Variants in MS4A6A observed in about 807,000 individuals in gnomAD.
MS4A6A encodes membrane-spanning 4-domains subfamily A member 6A.
A neutral mutation model predicts 20.6 loss-of-function variants in MS4A6A; 19 were observed. That is an observed-to-expected ratio of 0.92 (90% CI 0.64 to 1.36). The LOEUF is 1.36. Ranked by LOEUF, MS4A6A falls within the 40% of genes most tolerant of loss-of-function variation. The pLI, the probability that MS4A6A is intolerant of heterozygous loss-of-function variation, is 0.00. For missense variants in MS4A6A, 272 were observed against 261.1 expected, an observed-to-expected ratio of 1.04 and a Z score of -0.29; for synonymous variants, 108 against 105.0, an observed-to-expected ratio of 1.03 and a Z score of -0.17.
At chr11:60,172,225 ATGTAAC>A, downstream of MS4A6A, 2 of 1,613,512 alleles carry the variant, frequency 1.2e-6, no homozygotes, top group Non-Finnish European at 1.7e-6. Flanking sequence ...AGAATTACCA[ATGTAAC>A]TGTGAGGCAG....
In MS4A6A at chr11:60,179,206, G is replaced by A. The variant is rs551001631; in HGVS notation, c.282+625C>T. Among the ~76,000 whole-genome samples, 187 of 152,240 alleles carry A rather than the reference G, an allele frequency of 1.2e-3. 1 individual carries two copies. Among genetic ancestry groups the A allele is most frequent in the Non-Finnish European group, 2.4e-3 (161 of 68,004 alleles). ...TGAAGGAAAAAACATCTATGAAAGG[G>A]AAACTTACCTATGAGAAAGCCCCCA... is the stretch of plus-strand genomic sequence containing the variant. On this transcript the variant is annotated intron_variant, in intron 3 of 5. Coordinates refer to ENST00000528851, the MANE Select transcript of MS4A6A (RefSeq NM_022349.4).
intron 3 of MS4A6A, 89 bp downstream of exon 3, chr11:60,179,742 C>T (rs1014992546): frequency 6.1e-6 from 9 of 1,480,466 alleles, no homozygotes; most frequent in African/African-American, 1.4e-5. Flanking sequence ...GCAGATCAAA[C>T]ATAGCAAGCT....
upstream of MS4A6A, chr11:60,183,093 T>C: frequency 6.6e-7 from 1 of 1,521,134 alleles, no homozygotes; most frequent in Non-Finnish European, 8.8e-7. Context: ...CATCAGCCCT[T>C]CCTTATTCCA....
chr11:60,173,313 A>T (rs1369786048), intron 5 of MS4A6A, among the ~76,000 whole-genome samples, 184 bp from the exon 6 acceptor site: 1 of 152,130 alleles, frequency 6.6e-6, no homozygotes, highest in African/African-American at 2.4e-5. Flanking sequence ...CCCTTAACTC[A>T]TTTCCTTGAG....
chr11:60,173,570 G>A (rs1454958715), intron 5 of MS4A6A, among the ~76,000 whole-genome samples: 1 of 152,140 alleles, frequency 6.6e-6, no homozygotes, highest in Non-Finnish European at 1.5e-5. Context: ...TATCAAACAT[G>A]CATACTAACA....
At chr11:60,181,782 A>G in intron 1 of MS4A6A, 41 bp from the exon 2 acceptor site, 1 of 1,600,856 alleles carries the variant, frequency 6.2e-7, no homozygotes, top group Non-Finnish European at 8.5e-7. Flanking sequence ...AAAAGTACAG[A>G]GCTCCCAGGT....
chr11:60,181,732 G>A lies in MS4A6A; in HGVS notation c.-5C>T. The A allele has an allele frequency of 1.2e-6, 2 of 1,613,932 alleles. No homozygotes were observed. The highest frequency in any genetic ancestry group is 2.2e-5 in the East Asian group (1 of 44,876). ...GGGAACAGGTTGTGATGTCATGATG[G>A]TGTTGCCAACTATGTAAGAAAAAAT... is the stretch of plus-strand genomic sequence containing the variant. On this transcript the variant is annotated 5_prime_UTR_variant, in exon 2 of 6. Transcript: ENST00000528851.
intron 3 of MS4A6A, 77 bp from the exon 4 acceptor site, chr11:60,178,393 G>A (rs1396982762): frequency 6.1e-5 from 72 of 1,184,544 alleles, no homozygotes; most frequent in Non-Finnish European, 3.6e-5. Context: ...AATGTTTATA[G>A]ACAACTCTCA....
At chr11:60,184,359 T>G (rs2083867349), upstream of MS4A6A, 1 of 152,240 alleles carries the variant, frequency 6.6e-6, no homozygotes, top group Non-Finnish European at 1.5e-5. Context: ...CAGAGTGCCG[T>G]CTGTGTTTCC....
chr11:60,182,946 T>G, intron 1 of MS4A6A, 32 bp downstream of exon 1: 10 of 1,311,882 alleles, frequency 7.6e-6, no homozygotes, highest in Non-Finnish European at 9.8e-6. Context: ...AAGGGAATAG[T>G]GAGATGAGAA....
chr11:60,181,581 C>T lies in MS4A6A; in HGVS notation c.147G>A (p.Gly49=). 3.7e-6 allele frequency: 6 copies of T among 1,613,978 alleles called. No individual in the cohort carries two copies. The highest frequency in any genetic ancestry group is 5.1e-6 in the Non-Finnish European group (6 of 1,179,940). Residue 49 remains glycine, a splice_region_variant and synonymous_variant, in exon 2 of 6, where the codon GGG becomes GGA. Coordinates refer to ENST00000528851, the MANE Select transcript of MS4A6A (RefSeq NM_022349.4). The part of the protein sequence containing the change: ...KHLHAEIKVI[G]TIQILCGMMV... The stretch of plus-strand genomic sequence containing the variant: ...CCAACACGTTCTGAATTAGATTTAC[C>T]CCAATAACTTTGATTTCTGCGTGTA...
intron 4 of MS4A6A, among the ~76,000 whole-genome samples, chr11:60,177,691 T>C (rs1047615567): frequency 2.6e-5 from 4 of 152,162 alleles, no homozygotes; most frequent in Non-Finnish European, 5.9e-5. Flanking sequence ...AAGGATACAG[T>C]CAGCCAGCAC....
chr11:60,172,921 T>C lies in MS4A6A; in HGVS notation c.*80A>G. On this transcript the variant is annotated 3_prime_UTR_variant, in exon 6 of 6. Transcript: ENST00000528851. Reference sequence around the variant, plus strand: ...ATGCAAATGCCCTCCCATGTGTATCTCATGACTGACTGATTGTTCCTTCTA... The same window carrying C: ...ATGCAAATGCCCTCCCATGTGTATCCCATGACTGACTGATTGTTCCTTCTA... The C allele has an allele frequency of 1.3e-6, 2 of 1,596,824 alleles. No individual in the cohort carries two copies. Among genetic ancestry groups the C allele is most frequent in the Middle Eastern group, 1.7e-4 (1 of 5,984 alleles).
In MS4A6A at chr11:60,172,969, C is replaced by T; in HGVS notation, c.*32G>A. 6.2e-7 allele frequency: 1 copy of T among 1,613,154 alleles called. No individual in the cohort carries two copies. The highest frequency in any genetic ancestry group is 8.5e-7 in the Non-Finnish European group (1 of 1,179,394). On this transcript the variant is annotated 3_prime_UTR_variant, in exon 6 of 6. Transcript: ENST00000528851. ...CTACCACTCTTGGTGACATACTCAA[C>T]ACAGTGCAGGGATAAGATACACTAG...
chr11:60,179,735 G>T, intron 3 of MS4A6A, 96 bp downstream of exon 3: 1 of 1,437,636 alleles, frequency 7.0e-7, no homozygotes. Context: ...GCTCCTGGCA[G>T]ATCAAACATA....
intron 5 of MS4A6A, 48 bp from the exon 6 acceptor site, chr11:60,173,177 C>G (rs755373082): frequency 6.5e-7 from 1 of 1,539,148 alleles, no homozygotes; most frequent in South Asian, 1.1e-5. Flanking sequence ...TCAGCTGAAG[C>G]CTTCATGCCT....
In MS4A6A at chr11:60,172,979, G is replaced by A. The variant is rs563501461; in HGVS notation, c.*22C>T. The A allele has an allele frequency of 2.1e-5, 34 of 1,613,286 alleles. No individual in the cohort carries two copies. Among genetic ancestry groups the A allele is most frequent in the South Asian group, 1.5e-4 (14 of 91,058 alleles). On this transcript the variant is annotated 3_prime_UTR_variant, in exon 6 of 6. Transcript: ENST00000528851. ...TGGTGACATACTCAACACAGTGCAG[G>A]GATAAGATACACTAGGCAAGGTTAA... is the stretch of plus-strand genomic sequence containing the variant.
upstream of MS4A6A, chr11:60,183,137 G>T: frequency 6.5e-7 from 1 of 1,535,700 alleles, no homozygotes; most frequent in Non-Finnish European, 8.7e-7. Flanking sequence ...GATACTCACA[G>T]ATTGTAGATT....
chr11:60,182,923 A>T, intron 1 of MS4A6A, 55 bp downstream of exon 1: 1 of 1,138,618 alleles, frequency 8.8e-7, no homozygotes. Flanking sequence ...TACTCCTCTA[A>T]TGAGGTCACG....
Sources: gnomAD v4.1 joint callset for allele counts (sites outside exome capture counted in the v4.1 genomes callset) on GRCh38, gnomAD v4.1.1 for gene constraint, MANE v1.5 for transcripts, NCBI Gene and HGNC (gene_info 2026-07-23, HGNC 2026-07-21) for gene names.